Variants in GRIK2 observed in about 807,000 individuals in gnomAD.
GRIK2 encodes the protein glutamate receptor ionotropic, kainate 2.
In GRIK2, 32 loss-of-function variants were observed where a neutral mutation model predicts 100.3. That is an observed-to-expected ratio of 0.32 (90% CI 0.24 to 0.43). The LOEUF (loss-of-function observed/expected upper bound fraction) is 0.43, where lower values mean the gene tolerates loss of function less well. Among genes scored for constraint, GRIK2 ranks in the 20% least tolerant of loss-of-function variants. The probability of loss-of-function intolerance (pLI) is 1.00; values close to 1 mark genes in which losing one functional copy is unlikely to be tolerated. For synonymous variants in GRIK2, 417 were observed against 389.4 expected (o/e 1.07, Z -0.83); for missense variants, 843 against 1,114.9 (o/e 0.76, Z 3.47).
chr6:101,758,937 A>G (rs939298557), intron 7 of GRIK2, among the ~76,000 whole-genome samples: 2 of 152,188 alleles, frequency 1.3e-5, no homozygotes, highest in Non-Finnish European at 2.9e-5. Context: ...CTATACTACT[A>G]AAATCATATC....
intron 14 of GRIK2, among the ~76,000 whole-genome samples, chr6:101,966,166 C>A (rs1332852481): frequency 1.3e-5 from 2 of 152,058 alleles, no homozygotes; most frequent in African/African-American, 4.8e-5. Flanking sequence ...ACATGGCATT[C>A]CCAAATTAAA....
chr6:101,946,468 T>A (rs542684635), intron 14 of GRIK2, among the ~76,000 whole-genome samples: 1 of 152,136 alleles, frequency 6.6e-6, no homozygotes, highest in East Asian at 1.9e-4. Context: ...GAGGTTAAGG[T>A]TGCAGTGAGT....
rs985797295 is a variant in GRIK2, at chr6:101,821,663, A to T, written c.1317+3180A>T. 5.3e-5 allele frequency among the ~76,000 whole-genome samples: 8 copies of T among 152,096 alleles called. 1 individual carries two copies. Among genetic ancestry groups the T allele is most frequent in the Admixed American group, 4.6e-4 (7 of 15,266 alleles). ...TTTTATACCTTTTAGTTAAAAAAAA[A>T]TTCCTTTTTCTGAATACTCTGACTT... On this transcript the variant is annotated intron_variant, in intron 10 of 16. Coordinates refer to ENST00000369134, the MANE Select transcript of GRIK2 (RefSeq NM_021956.5).
chr6:101,855,680 G>C (rs944277035), intron 10 of GRIK2, among the ~76,000 whole-genome samples: 1 of 152,194 alleles, frequency 6.6e-6, no homozygotes, highest in Non-Finnish European at 1.5e-5. Context: ...AGTTCAAAGA[G>C]AATAGGCCTT....
intron 10 of GRIK2, among the ~76,000 whole-genome samples, chr6:101,826,623 C>G (rs1204810861): frequency 6.6e-6 from 1 of 151,960 alleles, no homozygotes; most frequent in East Asian, 1.9e-4. Context: ...TTTACTGGAA[C>G]CACAATGAAA....
intron 2 of GRIK2, among the ~76,000 whole-genome samples, chr6:101,606,160 G>T (rs1224953768): frequency 6.6e-6 from 1 of 151,956 alleles, no homozygotes; most frequent in Non-Finnish European, 1.5e-5. Flanking sequence ...GCTTCCTCCA[G>T]ACAGGTACAT....
At chr6:101,749,254 G>A (rs1776631503) in intron 7 of GRIK2, among the ~76,000 whole-genome samples, 1 of 151,980 alleles carries the variant, frequency 6.6e-6, no homozygotes. Context: ...GATTACAAGT[G>A]CCCACCACTA....
At chr6:101,498,415 T>C (rs9404112) in intron 2 of GRIK2, among the ~76,000 whole-genome samples, 38,410 of 151,700 alleles carry the variant, frequency 0.25, 6,151 homozygotes, top group East Asian at 0.48. Flanking sequence ...ATGGTATTTC[T>C]AGTTCTAGGT....
At chr6:101,970,140 T>C (rs1299396209) in intron 14 of GRIK2, among the ~76,000 whole-genome samples, 4 of 152,032 alleles carry the variant, frequency 2.6e-5, no homozygotes, top group African/African-American at 9.7e-5. Flanking sequence ...AAAAATTTGT[T>C]GAATTCATTA....
rs113601733 is a variant in GRIK2, at chr6:101,533,564, C to G, written c.116-88385C>G. Among the ~76,000 whole-genome samples the G allele has an allele frequency of 5.3e-4, 81 of 151,894 alleles. 1 individual carries two copies. Among genetic ancestry groups the G allele is most frequent in the African/African-American group, 1.8e-3 (74 of 41,474 alleles). On this transcript the variant is annotated intron_variant, in intron 2 of 16. Transcript: ENST00000369134. ...TAGTGCCTATGAGAGGATTTTTAAT[C>G]TACAAAACTATTCAGAGAAGGCAAG...
In GRIK2 at chr6:101,924,631, C is replaced by T. The variant is rs1193769983; in HGVS notation, c.1779C>T (p.His593=). 2 of 1,605,402 alleles carry T rather than the reference C, an allele frequency of 1.2e-6. No individual in the cohort carries two copies. Among genetic ancestry groups the T allele is most frequent in the Non-Finnish European group, 8.5e-7 (1 of 1,172,154 alleles). The change falls in exon 13 of 17, where the codon CAC becomes CAT. Residue 593 remains histidine (H), a synonymous_variant. Coordinates refer to ENST00000369134, the MANE Select transcript of GRIK2 (RefSeq NM_021956.5). ...RFSPYEWYNP[H]PCNPDSDVVE... ...GTCCTTATGAGTGGTATAATCCACA[C>T]CCTTGCAACCCTGACTCAGACGTGG...
chr6:101,636,756 G>C (rs1483773729), intron 4 of GRIK2, among the ~76,000 whole-genome samples: 1 of 151,510 alleles, frequency 6.6e-6, no homozygotes, highest in African/African-American at 2.4e-5. Context: ...TGCATTTTGG[G>C]GGGGCGGGGA....
At chr6:101,788,781 G>T (rs1430055262) in intron 7 of GRIK2, among the ~76,000 whole-genome samples, 2 of 152,206 alleles carry the variant, frequency 1.3e-5, no homozygotes, top group Non-Finnish European at 1.5e-5. Flanking sequence ...CTGAGGAATC[G>T]CCACACTGAC....
At chr6:101,622,226 T>G in intron 3 of GRIK2, 110 bp downstream of exon 3, 1 of 603,364 alleles carries the variant, frequency 1.7e-6, no homozygotes, top group Non-Finnish European at 2.9e-6. Context: ...TAGGAATATT[T>G]GCATGCAAAG....
At chr6:102,040,319 C>T (rs1395274312) in intron 15 of GRIK2, among the ~76,000 whole-genome samples, 1 of 151,358 alleles carries the variant, frequency 6.6e-6, no homozygotes, top group African/African-American at 2.4e-5. Context: ...TAGTAATTGA[C>T]TTTAATGTTA....
At chr6:101,593,248 G>T (rs1472263097) in intron 2 of GRIK2, among the ~76,000 whole-genome samples, 8 of 151,858 alleles carry the variant, frequency 5.3e-5, no homozygotes, top group African/African-American at 1.9e-4. Flanking sequence ...TGATGGAGGT[G>T]ATGATGGGAA....
intron 16 of GRIK2, among the ~76,000 whole-genome samples, chr6:102,062,874 T>C (rs1157249217): frequency 1.3e-5 from 2 of 150,656 alleles, no homozygotes; most frequent in Non-Finnish European, 3.0e-5. Context: ...TATTATATCT[T>C]ATATCCTATG....
rs1002401713 is a variant in GRIK2 at position 101,577,909 on chromosome 6, G to T, written c.116-44040G>T. The stretch of plus-strand genomic sequence containing the variant: ...TGTTCCTGGGGAATGGGGAATGGAT[G>T]GGAACAACGTAGAAGGTGAGGTGGG... On this transcript the variant is annotated intron_variant, in intron 2 of 16. Transcript: ENST00000369134. 6.6e-5 allele frequency among the ~76,000 whole-genome samples: 10 copies of T among 152,188 alleles called. No homozygotes were observed. The East Asian group carries it at 1.9e-3, about 29-fold the overall frequency.
chr6:101,788,516 A>G (rs908857084), intron 7 of GRIK2, among the ~76,000 whole-genome samples: 1 of 152,132 alleles, frequency 6.6e-6, no homozygotes, highest in Admixed American at 6.5e-5. Context: ...AATTTCATCC[A>G]TGTCCCTACA....
Sources: allele counts gnomAD v4.1 joint callset (sites outside exome capture counted in the v4.1 genomes callset), GRCh38; gene constraint gnomAD v4.1.1; transcripts MANE v1.5; gene names NCBI Gene and HGNC (gene_info 2026-07-23, HGNC 2026-07-21).